EDA: variants seen among roughly 807,000 people sequenced by gnomAD.
The protein encoded by EDA is ectodysplasin A.
EDA carries 2 observed loss-of-function variants against 23.6 expected under a neutral mutation model. The ratio of observed to expected loss-of-function variants is 0.08; its 90% confidence interval spans 0.03 to 0.27. The LOEUF (loss-of-function observed/expected upper bound fraction) is 0.27, where lower values mean the gene tolerates loss of function less well. Among genes scored for constraint, EDA ranks in the 10% least tolerant of loss-of-function variants. The probability of loss-of-function intolerance (pLI) is 1.00; values close to 1 mark genes in which losing one functional copy is unlikely to be tolerated. For synonymous variants in EDA, 131 were observed against 132.0 expected (o/e 0.99, Z 0.05); for missense variants, 229 against 324.2 (o/e 0.71, Z 2.26).
chrX:69,714,337 C>T (rs1454994561), intron 1 of EDA, among the ~76,000 whole-genome samples: 2 of 110,630 alleles, frequency 1.8e-5, no homozygotes, highest in African/African-American at 3.3e-5. Flanking sequence ...AATATTTTCT[C>T]GTAGTCTATA....
chrX:70,002,213 G>C (rs969887542), intron 2 of EDA, among the ~76,000 whole-genome samples: 2 of 111,148 alleles, frequency 1.8e-5, no homozygotes, highest in Admixed American at 1.9e-4. Flanking sequence ...TCATGAAAGA[G>C]TGTGTAGATA....
intron 2 of EDA, among the ~76,000 whole-genome samples, chrX:69,963,106 A>C (rs2019124992): frequency 8.9e-6 from 1 of 112,157 alleles, no homozygotes; most frequent in Non-Finnish European, 1.9e-5. Context: ...CAAAAAACTT[A>C]GTATTCTTTT....
chrX:69,709,795 A>G (rs1033459206), intron 1 of EDA, among the ~76,000 whole-genome samples: 1 of 111,973 alleles, frequency 8.9e-6, no homozygotes, highest in Admixed American at 9.5e-5. Flanking sequence ...ACTCCTGTCT[A>G]TGTCCCCAGC....
At chrX:69,762,023 C>G (rs1165990799) in intron 1 of EDA, among the ~76,000 whole-genome samples, 2 of 111,443 alleles carry the variant, frequency 1.8e-5, no homozygotes, top group African/African-American at 3.3e-5. Context: ...AATTTTGGCT[C>G]TCTTCTAGTG....
intron 1 of EDA, among the ~76,000 whole-genome samples, chrX:69,790,039 A>G (rs2015354876): frequency 8.9e-6 from 1 of 111,743 alleles, no homozygotes; most frequent in Non-Finnish European, 1.9e-5. Flanking sequence ...CATCTTGAGT[A>G]CTTTTGGCTT....
intron 1 of EDA, among the ~76,000 whole-genome samples, chrX:69,771,109 T>G (rs1489338345): frequency 9.0e-6 from 1 of 110,718 alleles, no homozygotes; most frequent in African/African-American, 3.3e-5. Context: ...CAGGCTGGAG[T>G]GCAGCAGCAC....
rs778081802 is a variant in EDA, at chrX:70,033,351, C to T, written c.794-47C>T. On this transcript the variant is annotated intron_variant, in intron 6 of 7. Transcript: ENST00000374552. The stretch of plus-strand genomic sequence containing the variant: ...CCTTGGTATTTATTTTCTGTTGCCT[C>T]GATTATTCTGACATGTACTGAGTGA... The T allele has an allele frequency of 7.5e-6, 9 of 1,207,664 alleles. No homozygotes were observed. In the East Asian group the frequency reaches 8.9e-5, roughly 12 times the overall value.
At chrX:69,998,456 C>T (rs1356614275) in intron 2 of EDA, among the ~76,000 whole-genome samples, 11 of 112,173 alleles carry the variant, frequency 9.8e-5, no homozygotes, top group African/African-American at 3.6e-4. Flanking sequence ...GTTTTACAGG[C>T]TCATAGGCAG....
chrX:69,916,396 CT>C (rs782071176), intron 1 of EDA, among the ~76,000 whole-genome samples: 344 of 58,102 alleles, frequency 5.9e-3, no homozygotes, highest in Middle Eastern at 0.032. Context: ...CTCTACTGTT[CT>C]TTTTTTTTTT....
At chrX:69,784,941 A>G (rs1418171250) in intron 1 of EDA, among the ~76,000 whole-genome samples, 3 of 111,075 alleles carry the variant, frequency 2.7e-5, no homozygotes, top group Non-Finnish European at 5.7e-5. Context: ...ATGTTCTTCC[A>G]TTTCTTTGCA....
At chrX:69,816,367 G>A (rs1461392696) in intron 1 of EDA, among the ~76,000 whole-genome samples, 1 of 111,366 alleles carries the variant, frequency 9.0e-6, no homozygotes, top group Admixed American at 9.5e-5. Context: ...GACAGAAGTA[G>A]GCCTCAAAAG....
intron 1 of EDA, among the ~76,000 whole-genome samples, chrX:69,949,839 G>T (rs2018887666): frequency 8.9e-6 from 1 of 111,808 alleles, no homozygotes; most frequent in African/African-American, 3.3e-5. Context: ...CATTTTAAAA[G>T]TGGCTTTACG....
intron 2 of EDA, among the ~76,000 whole-genome samples, chrX:70,017,227 A>G (rs2019963650): frequency 8.9e-6 from 1 of 111,947 alleles, no homozygotes; most frequent in South Asian, 3.8e-4. Flanking sequence ...TAGCCTGCTA[A>G]GAAACTAAAA....
At chrX:70,025,997 C>A (rs2020101741) in intron 3 of EDA, among the ~76,000 whole-genome samples, 1 of 112,003 alleles carries the variant, frequency 8.9e-6, no homozygotes, top group African/African-American at 3.2e-5. Flanking sequence ...GTTTCTTGGC[C>A]ATGAGGCATT....
intron 1 of EDA, among the ~76,000 whole-genome samples, chrX:69,824,419 T>A (rs1205069453): frequency 9.1e-6 from 1 of 110,002 alleles, no homozygotes; most frequent in African/African-American, 3.3e-5. Context: ...TTCACATCCC[T>A]TGTAAGTTGG....
At chrX:69,842,021 C>T (rs754193767) in intron 1 of EDA, among the ~76,000 whole-genome samples, 41 of 112,265 alleles carry the variant, frequency 3.7e-4, no homozygotes, top group African/African-American at 1.3e-3. Context: ...TCCCCCCCGT[C>T]GGACCATCGA....
intron 4 of EDA, 124 bp downstream of exon 4, chrX:70,028,160 G>C (rs2020145896): frequency 9.2e-7 from 1 of 1,089,650 alleles, no homozygotes; most frequent in African/African-American, 1.9e-5. Flanking sequence ...AAGGGATGCA[G>C]ATCTCCTAGC....
chrX:69,851,943 G>A (rs772253832), intron 1 of EDA, among the ~76,000 whole-genome samples: 13 of 111,828 alleles, frequency 1.2e-4, no homozygotes, highest in African/African-American at 2.6e-4. Context: ...TGAAAAGCAC[G>A]GGAACTTAAA....
At chrX:69,727,400 A>G (rs2012850940) in intron 1 of EDA, among the ~76,000 whole-genome samples, 1 of 112,015 alleles carries the variant, frequency 8.9e-6, no homozygotes, top group South Asian at 3.8e-4. Flanking sequence ...ACTGCCCTCT[A>G]CTACCCAGTA....
Sources: gnomAD v4.1 joint callset for allele counts (sites outside exome capture counted in the v4.1 genomes callset) on GRCh38, gnomAD v4.1.1 for gene constraint, MANE v1.5 for transcripts, NCBI Gene and HGNC (gene_info 2026-07-23, HGNC 2026-07-21) for gene names.